The following UST variants were observed in gnomAD, a reference collection of about 807,000 sequenced individuals.
UST encodes the protein chondroitin sulfate 2-O-sulfotransferase.
UST carries 21 observed loss-of-function variants against 45.6 expected under a neutral mutation model. The ratio of observed to expected loss-of-function variants is 0.46; its 90% confidence interval spans 0.33 to 0.66. UST has a LOEUF of 0.66. Ranked by LOEUF, UST falls within the 30% of genes least tolerant of loss-of-function variation. UST has a pLI of 0.02. For synonymous variants in UST, 215 were observed against 200.6 expected (o/e 1.07, Z -0.61); for missense variants, 463 against 512.4 (o/e 0.90, Z 0.93).
intron 2 of UST, among the ~76,000 whole-genome samples, chr6:148,892,639 A>G (rs934670862): frequency 2.0e-5 from 3 of 152,224 alleles, no homozygotes; most frequent in Non-Finnish European, 2.9e-5. Flanking sequence ...CTCTGTAGCT[A>G]TATGCAGCTA....
intron 7 of UST, among the ~76,000 whole-genome samples, chr6:149,027,211 A>G (rs1776062211): frequency 6.6e-6 from 1 of 152,232 alleles, no homozygotes; most frequent in South Asian, 2.1e-4. Flanking sequence ...TGTAGAAGAA[A>G]ACTTTTAAAT....
chr6:148,807,168 C>T (rs1309739014), intron 1 of UST, among the ~76,000 whole-genome samples: 1 of 152,210 alleles, frequency 6.6e-6, no homozygotes, highest in Non-Finnish European at 1.5e-5. Context: ...AAATACCTCT[C>T]TTATGAGTCT....
intron 1 of UST, among the ~76,000 whole-genome samples, chr6:148,785,199 T>C (rs1228869652): frequency 1.3e-5 from 2 of 149,356 alleles, no homozygotes; most frequent in Non-Finnish European, 3.0e-5. Context: ...AGACTCCATC[T>C]TAAAAAAAAA....
intron 1 of UST, among the ~76,000 whole-genome samples, chr6:148,867,021 G>A (rs2114809188): frequency 6.6e-6 from 1 of 152,176 alleles, no homozygotes; most frequent in East Asian, 1.9e-4. Context: ...AGCTGTGAAA[G>A]CAAGTATCTT....
At chr6:148,806,774 A>G (rs1308837477) in intron 1 of UST, among the ~76,000 whole-genome samples, 2 of 152,222 alleles carry the variant, frequency 1.3e-5, no homozygotes, top group African/African-American at 2.4e-5. Context: ...CAGCATCAAA[A>G]CACGGCAGAA....
chr6:148,763,638 C>T (rs1196311983), intron 1 of UST, among the ~76,000 whole-genome samples: 1 of 151,988 alleles, frequency 6.6e-6, no homozygotes, highest in African/African-American at 2.4e-5. Context: ...CAGGTTTTAC[C>T]TTTAAGTCTT....
chr6:148,765,960 A>C (rs1298527461), intron 1 of UST, among the ~76,000 whole-genome samples: 1 of 152,118 alleles, frequency 6.6e-6, no homozygotes, highest in African/African-American at 2.4e-5. Flanking sequence ...AATTTTCTCC[A>C]TTCAGTATGA....
At chr6:148,893,729 G>A (rs1223518653) in intron 2 of UST, among the ~76,000 whole-genome samples, 2 of 152,200 alleles carry the variant, frequency 1.3e-5, no homozygotes, top group Non-Finnish European at 1.5e-5. Flanking sequence ...CAGTAAGTAT[G>A]CTAAGTGGGC....
intron 1 of UST, among the ~76,000 whole-genome samples, chr6:148,878,438 G>T: frequency 7.6e-6 from 1 of 132,448 alleles, no homozygotes; most frequent in East Asian, 2.4e-4. Flanking sequence ...ATGAGTGTGG[G>T]GGATCGTGTA....
At chr6:148,854,040 T>C (rs547483256) in intron 1 of UST, among the ~76,000 whole-genome samples, 30 of 152,382 alleles carry the variant, frequency 2.0e-4, no homozygotes, top group South Asian at 4.1e-4. Context: ...TGAAGTCTGA[T>C]AGCTAGTGTC....
chr6:148,764,575 G>T (rs1007985321), intron 1 of UST, among the ~76,000 whole-genome samples: 2 of 152,166 alleles, frequency 1.3e-5, no homozygotes, highest in Non-Finnish European at 2.9e-5. Context: ...GAAATAAAGG[G>T]AAAGAGTACA....
At chr6:148,847,400 A>C (rs990880058) in intron 1 of UST, among the ~76,000 whole-genome samples, 1 of 152,242 alleles carries the variant, frequency 6.6e-6, no homozygotes, top group African/African-American at 2.4e-5. Context: ...TGCCTGCTGA[A>C]TGTTGGCCAG....
intron 1 of UST, among the ~76,000 whole-genome samples, chr6:148,876,695 ATCAT>A (rs2114824059): frequency 6.6e-6 from 1 of 152,116 alleles, no homozygotes; most frequent in East Asian, 1.9e-4. Flanking sequence ...CAGCACCCTG[ATCAT>A]TCATTTCATA....
At chr6:149,039,106 G>A (rs1389657042) in intron 7 of UST, among the ~76,000 whole-genome samples, 2 of 152,096 alleles carry the variant, frequency 1.3e-5, no homozygotes, top group Non-Finnish European at 2.9e-5. Flanking sequence ...AGTTTCTCCT[G>A]TAGACTTTCC....
intron 5 of UST, among the ~76,000 whole-genome samples, chr6:149,015,203 G>T (rs975992869): frequency 6.6e-6 from 1 of 152,210 alleles, no homozygotes; most frequent in African/African-American, 2.4e-5. Flanking sequence ...AGACGATTTT[G>T]CTGTAAGATC....
intron 1 of UST, among the ~76,000 whole-genome samples, chr6:148,760,304 G>A (rs1282324932): frequency 6.6e-6 from 1 of 152,194 alleles, no homozygotes; most frequent in Non-Finnish European, 1.5e-5. Flanking sequence ...GTCTCACTAT[G>A]TGATAGGTGA....
intron 7 of UST, among the ~76,000 whole-genome samples, chr6:149,048,820 A>G (rs1035788180): frequency 6.6e-6 from 1 of 152,342 alleles, no homozygotes; most frequent in Non-Finnish European, 1.5e-5. Context: ...CATATTTTCT[A>G]TGAAATTATT....
In UST at chr6:148,770,025, G is replaced by A. The variant is rs533187955; in HGVS notation, c.247+22348G>A. ...TGACTGCCTCACTTTAAATTGTAAA[G>A]AACGATTAAGAGTTCTAAAACATTG... On this transcript the variant is annotated intron_variant, in intron 1 of 7. Coordinates refer to ENST00000367463, the MANE Select transcript of UST (RefSeq NM_005715.3). 6.8e-4 allele frequency among the ~76,000 whole-genome samples: 104 copies of A among 152,100 alleles called. No homozygotes were observed. The South Asian group carries it at 0.021, about 30-fold the overall frequency.
intron 5 of UST, among the ~76,000 whole-genome samples, chr6:148,981,255 G>C (rs1455649925): frequency 6.6e-6 from 1 of 152,198 alleles, no homozygotes; most frequent in African/African-American, 2.4e-5. Context: ...AGGTGTGACT[G>C]TGATCTTATT....
Sources: gnomAD v4.1 joint callset for allele counts (sites outside exome capture counted in the v4.1 genomes callset) on GRCh38, gnomAD v4.1.1 for gene constraint, MANE v1.5 for transcripts, NCBI Gene and HGNC (gene_info 2026-07-23, HGNC 2026-07-21) for gene names.